Variants in CSMD2 observed in about 807,000 individuals in gnomAD.
The protein encoded by CSMD2 is CUB and sushi domain-containing protein 2.
A neutral mutation model predicts 398.5 loss-of-function variants in CSMD2; 130 were observed. That is an observed-to-expected ratio of 0.33 (90% CI 0.28 to 0.38). CSMD2 has a LOEUF of 0.38. CSMD2 is among the 10% of genes least tolerant of loss of function. The pLI is 1.00. For synonymous variants in CSMD2, 1,828 were observed against 1,908.5 expected (o/e 0.96, Z 1.10); for missense variants, 3,829 against 4,764.9 (o/e 0.80, Z 5.78).
rs1392691498 is a variant in CSMD2 at position 34,163,640 on chromosome 1, TCAAAA to T, written c.187+1266_187+1270del. Among the ~76,000 whole-genome samples the T allele has an allele frequency of 4.0e-5, 6 of 151,524 alleles. No homozygotes were observed. The South Asian group carries it at 6.4e-4, about 16-fold the overall frequency. On this transcript the variant is annotated intron_variant, in intron 1 of 70. Coordinates refer to ENST00000373381, the MANE Select transcript of CSMD2 (RefSeq NM_001281956.2). The surrounding 1 kb of genome is among the most constrained non-coding windows in gnomAD (Gnocchi z 5.4). ...GCCTTCAGAGGTTCAATCGGTGGTT[TCAAAA>T]CAAAACAAAACAAAACAAAAACAAA... is the stretch of plus-strand genomic sequence containing the variant.
At chr1:33,911,466 GAGAA>G (rs1159628104) in intron 5 of CSMD2, among the ~76,000 whole-genome samples, 2 of 152,180 alleles carry the variant, frequency 1.3e-5, no homozygotes, top group African/African-American at 4.8e-5. Flanking sequence ...CATTCAAGAG[GAGAA>G]AGAGTGTTGC....
intron 2 of CSMD2, among the ~76,000 whole-genome samples, chr1:34,080,938 G>GAAAGA (rs1319359861): frequency 1.7e-5 from 1 of 57,764 alleles, no homozygotes; most frequent in Admixed American, 1.9e-4. Flanking sequence ...AAGAAAGAAA[G>GAAAGA]AAAGAAAGAA....
chr1:33,702,441 C>T (rs1393746308), intron 22 of CSMD2, among the ~76,000 whole-genome samples: 1 of 152,144 alleles, frequency 6.6e-6, no homozygotes, highest in South Asian at 2.1e-4. Context: ...ATGTTACTTG[C>T]ATCATTACAA....
intron 2 of CSMD2, among the ~76,000 whole-genome samples, chr1:34,041,934 A>G (rs1371436911): frequency 6.6e-6 from 1 of 152,186 alleles, no homozygotes; most frequent in African/African-American, 2.4e-5. Flanking sequence ...TAATCCCTCA[A>G]ATATTTACTG....
rs866978630 is a variant in CSMD2 at position 33,518,387 on chromosome 1, G to T, written c.*53+1078C>A. ...GATGCATGCCTGTGTGCATGTATGC[G>T]TATGTGTGTGTGTGTGTGTGCATGA... On this transcript the variant is annotated intron_variant, in intron 70 of 70. Transcript: ENST00000373381. The surrounding 1 kb of genome is among the most constrained non-coding windows in gnomAD (Gnocchi z 4.3). 1.4e-5 allele frequency among the ~76,000 whole-genome samples: 1 copy of T among 73,122 alleles called. No individual in the cohort carries two copies. Among genetic ancestry groups the T allele is most frequent in the Non-Finnish European group, 2.8e-5 (1 of 35,850 alleles). 48.0% of individuals were successfully genotyped at this position (73,122 alleles called of 152,430 possible).
rs1216248721 is a variant in CSMD2 at position 33,772,679 on chromosome 1, T to A, written c.1736A>T (p.His579Leu). 1 of 1,614,030 alleles carries A rather than the reference T, an allele frequency of 6.2e-7. No homozygotes were observed. The highest frequency in any genetic ancestry group is 1.3e-5 in the African/African-American group (1 of 74,932). The change falls in exon 13 of 71, where the codon CAC (histidine) becomes CTC (leucine). Residue 579 changes from histidine to leucine, a missense_variant. His to Leu is a moderately conservative substitution (Grantham distance 99). Coordinates refer to ENST00000373381, the MANE Select transcript of CSMD2 (RefSeq NM_001281956.2). Reference protein sequence around the residue: ...YGRREGSRFHHGDTLKFECQP... With the variant: ...YGRREGSRFHLGDTLKFECQP... ...GCACTCAAACTTGAGTGTGTCACCG[T>A]GGTGAAACCGGGAGCCTTCCCTCCG...
At chr1:33,681,732 G>A (rs1012927279) in intron 25 of CSMD2, among the ~76,000 whole-genome samples, 5 of 152,200 alleles carry the variant, frequency 3.3e-5, no homozygotes, top group South Asian at 2.1e-4. Flanking sequence ...TTGGGAGGCC[G>A]AGGCAGGTAG....
intron 29 of CSMD2, 85 bp downstream of exon 29, chr1:33,646,563 G>A: frequency 7.0e-7 from 1 of 1,437,542 alleles, no homozygotes; most frequent in Non-Finnish European, 9.6e-7. Flanking sequence ...TCCAGCCCAG[G>A]GCTCTCCTCA....
At chr1:33,521,410 G>A in intron 68 of CSMD2, 53 bp downstream of exon 68, 1 of 1,155,188 alleles carries the variant, frequency 8.7e-7, no homozygotes, top group East Asian at 2.3e-5. Context: ...GGCACACACG[G>A]TTTCTCTCCC....
intron 37 of CSMD2, among the ~76,000 whole-genome samples, chr1:33,618,040 A>G (rs1056401749): frequency 6.6e-6 from 1 of 152,266 alleles, no homozygotes; most frequent in East Asian, 1.9e-4. Context: ...AGAGAGAGAG[A>G]GGGAAAAGAA....
At position 33,802,026 on chromosome 1, in the gene CSMD2, A is replaced by G. The variant is rs974225588; in HGVS notation, c.1446+8717T>C. On this transcript the variant is annotated intron_variant, in intron 10 of 70. Transcript: ENST00000373381. ...GACCCACTGAATCAGATCTTTGGGGAAAAGAGCTTGGGAATCTGTGGTTTT... is the reference window on the plus strand; with the variant it reads ...GACCCACTGAATCAGATCTTTGGGGGAAAGAGCTTGGGAATCTGTGGTTTT... 2.0e-5 allele frequency among the ~76,000 whole-genome samples: 3 copies of G among 152,208 alleles called. No individual in the cohort carries two copies. The South Asian group carries it at 6.2e-4, about 32-fold the overall frequency.
At chr1:34,146,322 G>T (rs1242943727) in intron 1 of CSMD2, among the ~76,000 whole-genome samples, 5 of 152,216 alleles carry the variant, frequency 3.3e-5, no homozygotes, top group Non-Finnish European at 7.3e-5. Context: ...GCAGGGAGCA[G>T]GTGTTAGTGG....
chr1:34,144,586 A>G (rs1407416030), intron 1 of CSMD2, among the ~76,000 whole-genome samples: 7 of 152,226 alleles, frequency 4.6e-5, no homozygotes, highest in African/African-American at 1.7e-4. Context: ...AGAGTGATGT[A>G]TTAACAAGAC....
At chr1:33,680,077 C>T (rs537349132) in intron 25 of CSMD2, among the ~76,000 whole-genome samples, 3 of 151,250 alleles carry the variant, frequency 2.0e-5, no homozygotes, top group Non-Finnish European at 2.9e-5. Flanking sequence ...CCCGCCACCA[C>T]GCCTGGCTAA....
At position 34,101,668 on chromosome 1, in the gene CSMD2, C is replaced by G. The variant is rs147362054; in HGVS notation, c.188-12475G>C. Reference sequence around the variant, plus strand: ...TCACTTTTTCTAATAATTTTAATTTCTTCTTTTTGGAACTAGCTGATCAAA... The same window carrying G: ...TCACTTTTTCTAATAATTTTAATTTGTTCTTTTTGGAACTAGCTGATCAAA... On this transcript the variant is annotated intron_variant, in intron 1 of 70. Transcript: ENST00000373381. Among the ~76,000 whole-genome samples, 835 of 152,196 alleles carry G rather than the reference C, an allele frequency of 5.5e-3. 8 individuals carry two copies. Among genetic ancestry groups the G allele is most frequent in the African/African-American group, 0.019 (784 of 41,546 alleles).
rs370918726 is a variant in CSMD2 at position 33,726,544 on chromosome 1, C to A, written c.2507+3G>T. ...TCTCCCCCAAGGCTGTGGTCACAAG[C>A]ACCTGTCGAAGGTGATTTTGATGGG... On this transcript the variant is annotated splice_donor_region_variant and intron_variant, in intron 16 of 70. Coordinates refer to ENST00000373381, the MANE Select transcript of CSMD2 (RefSeq NM_001281956.2). 1.2e-6 allele frequency: 2 copies of A among 1,607,298 alleles called. No homozygotes were observed. Among genetic ancestry groups the A allele is most frequent in the Non-Finnish European group, 1.7e-6 (2 of 1,175,698 alleles).
At chr1:33,991,237 C>A (rs904573051) in intron 3 of CSMD2, among the ~76,000 whole-genome samples, 6 of 152,056 alleles carry the variant, frequency 3.9e-5, no homozygotes, top group Admixed American at 2.6e-4. Flanking sequence ...GAACTCCTGG[C>A]CTCAAGCAAT....
chr1:33,740,024 G>A (rs1557820476), intron 14 of CSMD2, among the ~76,000 whole-genome samples: 1 of 152,104 alleles, frequency 6.6e-6, no homozygotes, highest in Non-Finnish European at 1.5e-5. Context: ...ATGAGCCTTA[G>A]TTTCCTGACT....
At chr1:33,837,824 G>A (rs576987287) in intron 6 of CSMD2, among the ~76,000 whole-genome samples, 18 of 152,280 alleles carry the variant, frequency 1.2e-4, no homozygotes, top group African/African-American at 3.8e-4. Flanking sequence ...CATCTCCTCC[G>A]AATGATAATG....
Sources: allele counts gnomAD v4.1 joint callset (sites outside exome capture counted in the v4.1 genomes callset), GRCh38; gene constraint gnomAD v4.1.1; non-coding constraint Gnocchi (gnomAD v3.1); transcripts MANE v1.5; gene names NCBI Gene and HGNC (gene_info 2026-07-23, HGNC 2026-07-21).